Variants in MISFA observed in about 807,000 individuals in gnomAD.
MISFA encodes the protein mitochondrial sheath formation-associated protein.
the MISFA span, chr11:18,609,585 G>C: frequency 2.6e-6 from 1 of 382,452 alleles, no homozygotes; most frequent in Non-Finnish European, 4.7e-6. Flanking sequence ...CCCCACATTA[G>C]AGTGCATAGC....
the MISFA span, chr11:18,603,730 C>T: frequency 1.0e-4 from 40 of 398,896 alleles, no homozygotes; most frequent in Non-Finnish European, 1.5e-4. Flanking sequence ...CACTAGAAAC[C>T]ACTAGGCCTG....
At chr11:18,606,342 AG>A in the MISFA span, 5 of 173,616 alleles carry the variant, frequency 2.9e-5, no homozygotes, top group African/African-American at 1.2e-4. Context: ...AAAAATGTTC[AG>A]GGTGATGAGA....
chr11:18,603,163 A>G, the MISFA span: 20 of 398,980 alleles, frequency 5.0e-5, no homozygotes, highest in Non-Finnish European at 8.0e-5. Context: ...TGCAGGAACC[A>G]TGTGGAAGGG....
At chr11:18,605,538 G>A in the MISFA span, among the ~76,000 whole-genome samples, 435 of 151,962 alleles carry the variant, frequency 2.9e-3, 4 homozygotes, top group Non-Finnish European at 2.3e-3. Context: ...TTTTTTTAAT[G>A]GAAAGAAAAT....
At chr11:18,603,917 C>CTTTTTTTT in the MISFA span, 3 of 52,990 alleles carry the variant, frequency 5.7e-5, no homozygotes, top group African/African-American at 1.9e-4. Flanking sequence ...AGTTACCGCA[C>CTTTTTTTT]TTTTTTTTTT....
At chr11:18,603,626 C>T in the MISFA span, 1 of 396,818 alleles carries the variant, frequency 2.5e-6, no homozygotes, top group African/African-American at 2.1e-5. Context: ...CTAAGCTCCC[C>T]TTGCATCCGG....
the MISFA span, among the ~76,000 whole-genome samples, chr11:18,605,327 G>A: frequency 1.3e-5 from 2 of 152,074 alleles, no homozygotes; most frequent in South Asian, 2.1e-4. Flanking sequence ...GAGCCTGAGA[G>A]AGACCTAACA....
the MISFA span, chr11:18,602,213 C>A: frequency 6.6e-6 from 1 of 152,190 alleles, no homozygotes; most frequent in Non-Finnish European, 1.5e-5. Context: ...TTCATTCAGA[C>A]CTGTTTTTTT....
the MISFA span, among the ~76,000 whole-genome samples, chr11:18,600,812 G>A: frequency 3.6e-4 from 55 of 152,204 alleles, no homozygotes; most frequent in Non-Finnish European, 6.3e-4. Context: ...GAGCCACTGC[G>A]CCCGGCCAGG....
the MISFA span, among the ~76,000 whole-genome samples, chr11:18,600,489 C>T: frequency 3.3e-4 from 49 of 149,744 alleles, no homozygotes; most frequent in African/African-American, 1.2e-3. Flanking sequence ...AGGCATGAGC[C>T]ACCACGCCTG....
chr11:18,601,533 T>C, the MISFA span: 2 of 398,106 alleles, frequency 5.0e-6, no homozygotes, highest in Non-Finnish European at 8.9e-6. Context: ...CTCAGCTTCT[T>C]GGGTAGCTGA....
chr11:18,603,917 CTTTTTTTTTTTTTTT>C, the MISFA span: 7 of 53,020 alleles, frequency 1.3e-4, no homozygotes, highest in South Asian at 5.0e-3. Context: ...AGTTACCGCA[CTTTTTTTTTTTTTTT>C]TTTTTTTTTT....
At chr11:18,607,994 T>A in the MISFA span, 21 of 152,446 alleles carry the variant, frequency 1.4e-4, no homozygotes, top group African/African-American at 2.2e-4. Flanking sequence ...TACTGAAAAA[T>A]ATATATATCC....
the MISFA span, chr11:18,609,032 C>G: frequency 1.3e-5 from 2 of 152,342 alleles, no homozygotes; most frequent in African/African-American, 2.4e-5. Flanking sequence ...ATTTTATAAA[C>G]TATTACTCTT....
the MISFA span, among the ~76,000 whole-genome samples, chr11:18,603,426 G>T: frequency 6.6e-6 from 1 of 152,170 alleles, no homozygotes; most frequent in South Asian, 2.1e-4. Context: ...TGTGCTAATG[G>T]ACATTTTGTA....
the MISFA span, among the ~76,000 whole-genome samples, chr11:18,600,941 A>G: frequency 3.3e-5 from 5 of 152,170 alleles, no homozygotes; most frequent in East Asian, 9.6e-4. Flanking sequence ...TGCGGATTGC[A>G]GGCCAAGTGG....
At chr11:18,601,419 G>GT in the MISFA span, 17 of 394,972 alleles carry the variant, frequency 4.3e-5, no homozygotes, top group Non-Finnish European at 7.1e-5. Flanking sequence ...TCACAACACT[G>GT]TAATATATTA....
At chr11:18,602,949 A>C in the MISFA span, 1 of 393,130 alleles carries the variant, frequency 2.5e-6, no homozygotes, top group East Asian at 3.6e-5. Context: ...GCCCCCCTAA[A>C]TGGCCATGAG....
At chr11:18,603,878 A>C in the MISFA span, 1 of 367,908 alleles carries the variant, frequency 2.7e-6, no homozygotes, top group East Asian at 3.8e-5. Flanking sequence ...AAGTAATTGC[A>C]CATTATTTTG....
Sources: gnomAD v4.1 joint callset for allele counts (sites outside exome capture counted in the v4.1 genomes callset) on GRCh38, gnomAD v4.1.1 for gene constraint, MANE v1.5 for transcripts, NCBI Gene and HGNC (gene_info 2026-07-23, HGNC 2026-07-21) for gene names.